C1GALT1: variants seen among roughly 807,000 people sequenced by gnomAD.
C1GALT1 encodes glycoprotein-N-acetylgalactosamine 3-beta-galactosyltransferase 1.
C1GALT1 carries 11 observed loss-of-function variants against 31.0 expected under a neutral mutation model. That is an observed-to-expected ratio of 0.36 (90% confidence interval 0.22 to 0.59). C1GALT1 has a LOEUF of 0.59. Ranked by LOEUF, C1GALT1 falls within the 20% of genes least tolerant of loss-of-function variation. The pLI is 0.79. For missense variants in C1GALT1, 424 were observed against 425.2 expected (o/e 1.00, Z 0.03); for synonymous variants, 175 against 143.6 (o/e 1.22, Z -1.56).
Position 7,238,139 on chromosome 7 carries a change from TA to T in C1GALT1, c.221-114del, listed in dbSNP as rs1407878396. The T allele has an allele frequency of 5.9e-6, 6 of 1,013,182 alleles. No homozygotes were observed. In the African/African-American group the frequency reaches 9.8e-5, roughly 17 times the overall value. The allele number at this position is 1,013,182 out of a possible 1,614,324, so 62.8% of individuals were successfully genotyped here. On this transcript the variant is annotated intron_variant, in intron 2 of 3. Transcript: ENST00000436587. This position sits in a 1 kb window ranked among gnomAD's most constrained non-coding sequence, Gnocchi z 5.2. ...GTTTGCTTTCCTTTGGCTAAATCAC[TA>T]ATAGAGGGATAAATAGGGACTTTGA...
intron 2 of C1GALT1, among the ~76,000 whole-genome samples, chr7:7,165,193 G>C (rs1780378112): frequency 6.6e-6 from 1 of 152,174 alleles, no homozygotes; most frequent in Admixed American, 6.5e-5. Context: ...AGGCAGGTTA[G>C]GAAGGAGCTC....
At chr7:7,211,595 G>A (rs10257662) in intron 1 of C1GALT1, among the ~76,000 whole-genome samples, 105,810 of 152,102 alleles carry the variant, frequency 0.7, 37,621 homozygotes, top group East Asian at 0.94. Flanking sequence ...GAGTATAGCA[G>A]TTCCCACAAG....
At chr7:7,186,935 C>T (rs377719094) in intron 1 of C1GALT1, among the ~76,000 whole-genome samples, 115 of 152,160 alleles carry the variant, frequency 7.6e-4, no homozygotes, top group African/African-American at 2.6e-3. Flanking sequence ...ATTAGGAAGA[C>T]GGGAGGGTTT....
chr7:7,231,252 T>C (rs1783060330), intron 1 of C1GALT1, among the ~76,000 whole-genome samples: 1 of 152,248 alleles, frequency 6.6e-6, no homozygotes, highest in Non-Finnish European at 1.5e-5. Context: ...AGTTTTTTTT[T>C]CTGTCCTTGG....
At chr7:7,196,282 T>C (rs147869109) in intron 1 of C1GALT1, among the ~76,000 whole-genome samples, 4,661 of 150,064 alleles carry the variant, frequency 0.031, 161 homozygotes, top group African/African-American at 0.085. Flanking sequence ...TCTCATTGTT[T>C]AATTCCCACC....
rs1783739313 is a variant in C1GALT1, at chr7:7,243,836, C to T, written c.*109C>T. 5 of 773,446 alleles carry T rather than the reference C, an allele frequency of 6.5e-6. No individual in the cohort carries two copies. Among genetic ancestry groups the T allele is most frequent in the Middle Eastern group, 3.8e-4 (1 of 2,608 alleles). 47.9% of individuals were successfully genotyped at this position (773,446 alleles called of 1,614,324 possible). A position where few individuals can be genotyped will look rare whatever the true frequency, so the allele number is the denominator to read the frequency against. On this transcript the variant is annotated 3_prime_UTR_variant, in exon 4 of 4. Transcript: ENST00000436587. Reference sequence around the variant, plus strand: ...ATCCCAGTGAGGAATTCTAAGTGAACATTCCTTATAGAAACCTTTCACATG... The same window carrying T: ...ATCCCAGTGAGGAATTCTAAGTGAATATTCCTTATAGAAACCTTTCACATG...
chr7:7,179,811 G>T (rs1287682523), upstream of C1GALT1, among the ~76,000 whole-genome samples: 1 of 148,476 alleles, frequency 6.7e-6, no homozygotes. Flanking sequence ...GTTATTATGG[G>T]TGAAATATGG....
Position 7,246,109 on chromosome 7 carries a change from A to G in C1GALT1, c.*2382A>G, listed in dbSNP as rs1783832746. On this transcript the variant is annotated 3_prime_UTR_variant, in exon 4 of 4. Coordinates refer to ENST00000436587, the MANE Select transcript of C1GALT1 (RefSeq NM_020156.5). ...AGGAAATAAGTAATAGCTAGTATTT[A>G]TCCAATGCCAACTGTATGCTAGGTA... 1 of 152,228 alleles carries G rather than the reference A, an allele frequency of 6.6e-6. No homozygotes were observed. The highest frequency in any genetic ancestry group is 2.4e-5 in the African/African-American group (1 of 41,462). The allele number at this position is 152,228 out of a possible 1,614,324, so 9.4% of individuals were successfully genotyped here.
chr7:7,201,454 G>T (rs1781527299), intron 1 of C1GALT1, among the ~76,000 whole-genome samples: 1 of 152,166 alleles, frequency 6.6e-6, no homozygotes, highest in African/African-American at 2.4e-5. Context: ...GGAGGTCAGG[G>T]CCCCACTTGA....
rs1177143378 is a variant in C1GALT1, at chr7:7,165,271, A to G, written c.-18+7845A>G. 3.3e-5 allele frequency among the ~76,000 whole-genome samples: 5 copies of G among 152,138 alleles called. No individual in the cohort carries two copies. In the South Asian group the frequency reaches 8.3e-4, roughly 25 times the overall value. The stretch of plus-strand genomic sequence containing the variant: ...CCTTGTGCAAGCAGATATGGAACTA[A>G]ATAAAGCCCCTTTACTCACTGTGGT... On this transcript the variant is annotated intron_variant, in intron 2 of 3. Transcript: ENST00000429911.
chr7:7,231,909 C>G (rs112701609), intron 1 of C1GALT1, among the ~76,000 whole-genome samples: 5,824 of 152,218 alleles, frequency 0.038, 211 homozygotes, highest in African/African-American at 0.1. Context: ...ATGACTCTAA[C>G]GTAGACTTCA....
At chr7:7,236,741 G>C (rs1337840325) in intron 2 of C1GALT1, among the ~76,000 whole-genome samples, 2 of 151,910 alleles carry the variant, frequency 1.3e-5, no homozygotes, top group African/African-American at 4.8e-5. Flanking sequence ...GGCCAGGCTG[G>C]TCTCGAACTC....
chr7:7,194,518 A>G (rs1205175339), intron 1 of C1GALT1, among the ~76,000 whole-genome samples: 1 of 151,514 alleles, frequency 6.6e-6, no homozygotes, highest in Non-Finnish European at 1.5e-5. Flanking sequence ...GCCTGGCATG[A>G]AACCCACTTG....
intron 1 of C1GALT1, among the ~76,000 whole-genome samples, chr7:7,201,601 G>T (rs1423879470): frequency 6.6e-6 from 1 of 152,180 alleles, no homozygotes; most frequent in Non-Finnish European, 1.5e-5. Context: ...CCAGGGAAGC[G>T]GGGGAAAGCC....
At chr7:7,232,689 C>T (rs1469404242) in intron 1 of C1GALT1, among the ~76,000 whole-genome samples, 2 of 152,062 alleles carry the variant, frequency 1.3e-5, no homozygotes, top group African/African-American at 4.8e-5. Flanking sequence ...GGGGTTTCAC[C>T]ATGTTGGCCA....
intron 2 of C1GALT1, among the ~76,000 whole-genome samples, chr7:7,172,574 C>T (rs1780465197): frequency 6.6e-6 from 1 of 152,172 alleles, no homozygotes; most frequent in Admixed American, 6.5e-5. Context: ...ACTCCCAAAA[C>T]ACATATGCTG....
intron 1 of C1GALT1, among the ~76,000 whole-genome samples, chr7:7,229,441 A>G (rs1782961805): frequency 6.6e-6 from 1 of 152,176 alleles, no homozygotes; most frequent in Non-Finnish European, 1.5e-5. Context: ...TCTTTCATTT[A>G]CTTCTCTTGG....
intron 1 of C1GALT1, among the ~76,000 whole-genome samples, chr7:7,233,275 T>C (rs765912121): frequency 6.6e-6 from 1 of 152,172 alleles, no homozygotes; most frequent in Non-Finnish European, 1.5e-5. Context: ...CTTTTTCTTT[T>C]TTTTTTCTGA....
intron 1 of C1GALT1, among the ~76,000 whole-genome samples, chr7:7,229,210 C>G (rs1332228244): frequency 1.3e-5 from 2 of 152,092 alleles, no homozygotes; most frequent in African/African-American, 4.8e-5. Flanking sequence ...TGTCTTTGTT[C>G]TTTTCTGAGA....
Sources: allele counts gnomAD v4.1 joint callset (sites outside exome capture counted in the v4.1 genomes callset), GRCh38; gene constraint gnomAD v4.1.1; non-coding constraint Gnocchi (gnomAD v3.1); transcripts MANE v1.5; gene names NCBI Gene and HGNC (gene_info 2026-07-23, HGNC 2026-07-21).